RWDD2B: variants seen among roughly 807,000 people sequenced by gnomAD.
RWDD2B encodes the protein RWD domain-containing protein 2B.
In RWDD2B, 36 loss-of-function variants were observed where a neutral mutation model predicts 33.6. The observed-to-expected ratio is 1.07, with a 90% CI of 0.82 to 1.42. The LOEUF is 1.42. Among genes scored for constraint, RWDD2B ranks in the 40% most tolerant of loss-of-function variants. The probability of loss-of-function intolerance (pLI) is 0.00; values close to 1 mark genes in which losing one functional copy is unlikely to be tolerated. For synonymous variants in RWDD2B, 126 were observed against 133.1 expected (o/e 0.95, Z 0.37); for missense variants, 364 against 377.5 (o/e 0.96, Z 0.30).
intron 1 of RWDD2B, among the ~76,000 whole-genome samples, chr21:29,017,749 A>C (rs1317017412): frequency 6.6e-6 from 1 of 152,248 alleles, no homozygotes; most frequent in East Asian, 1.9e-4. Context: ...CCTTTCTCCT[A>C]AGGTGACTGT....
intron 1 of RWDD2B, among the ~76,000 whole-genome samples, chr21:29,011,622 C>T (rs1247515150): frequency 9.4e-4 from 135 of 143,368 alleles, no homozygotes; most frequent in African/African-American, 3.4e-3. Context: ...CCAGCCGCCC[C>T]GTCCGGGAGG....
chr21:29,018,936 G>C (rs2084902421), intron 1 of RWDD2B, among the ~76,000 whole-genome samples: 1 of 152,160 alleles, frequency 6.6e-6, no homozygotes, highest in Admixed American at 6.5e-5. Flanking sequence ...GAACAGAGCA[G>C]GGTACCCCGC....
chr21:29,014,800 G>T (rs1472247038), intron 1 of RWDD2B, among the ~76,000 whole-genome samples: 1 of 152,006 alleles, frequency 6.6e-6, no homozygotes, highest in African/African-American at 2.4e-5. Context: ...CAGCCTGGGC[G>T]GCAGAGCGAG....
rs374994675 is a variant in RWDD2B at position 29,008,640 on chromosome 21, G to C, written c.68-19C>G. On this transcript the variant is annotated intron_variant, in intron 1 of 4. Coordinates refer to ENST00000493196, the MANE Select transcript of RWDD2B (RefSeq NM_016940.3). ...TAAGTTTCTAAGGAGGTAAAGATAA[G>C]AGAGACAATTTACATATGCAATCTT... 23 of 1,543,642 alleles carry C rather than the reference G, an allele frequency of 1.5e-5. No homozygotes were observed. In the African/African-American group the frequency reaches 2.9e-4, roughly 19 times the overall value.
At chr21:29,011,587 TG>T (rs756444269) in intron 1 of RWDD2B, among the ~76,000 whole-genome samples, 639 of 63,000 alleles carry the variant, frequency 0.01, 3 homozygotes, top group Middle Eastern at 0.029. Flanking sequence ...GGGAGGGAGG[TG>T]GGGGGGGTCA....
chr21:29,018,712 C>T (rs1005550498), intron 1 of RWDD2B, among the ~76,000 whole-genome samples: 5 of 152,118 alleles, frequency 3.3e-5, no homozygotes, highest in African/African-American at 9.7e-5. Flanking sequence ...AGACTGTGGC[C>T]GGGCGCGATT....
chr21:29,010,622 AAAAAAAAAAACC>A, intron 1 of RWDD2B, among the ~76,000 whole-genome samples: 1 of 140,188 alleles, frequency 7.1e-6, no homozygotes, highest in South Asian at 2.3e-4. Context: ...AATAAAAATA[AAAAAAAAAAACC>A]AAAAAAAACC....
Position 29,008,504 on chromosome 21 carries a change from A to G in RWDD2B, c.185T>C (p.Leu62Pro), listed in dbSNP as rs1315443832. 6.2e-7 allele frequency: 1 copy of G among 1,614,214 alleles called. No homozygotes were observed. The highest frequency in any genetic ancestry group is 1.1e-5 in the South Asian group (1 of 91,084). The change falls in exon 2 of 5, where the codon CTG becomes CCG. Residue 62 changes from leucine (L) to proline (P), a missense_variant. By Grantham distance (98) the Leu-to-Pro change is moderately conservative. Transcript: ENST00000493196. ...ACAATCTTTCAGTTCTGCTACAGCCAGCTGGTCATTCACTATGAGCTCATT... is the reference window on the plus strand; with the variant it reads ...ACAATCTTTCAGTTCTGCTACAGCCGGCTGGTCATTCACTATGAGCTCATT... ...GENELIVNDQLAVAELKDCIE... is the reference protein window; with the variant it reads ...GENELIVNDQPAVAELKDCIE...
At chr21:29,009,003 T>C (rs1329565893) in intron 1 of RWDD2B, among the ~76,000 whole-genome samples, 1 of 152,226 alleles carries the variant, frequency 6.6e-6, no homozygotes, top group African/African-American at 2.4e-5. Flanking sequence ...TATGACTGGT[T>C]ACACTGGAAA....
chr21:29,012,635 C>G (rs572311134), intron 1 of RWDD2B, among the ~76,000 whole-genome samples: 1 of 151,772 alleles, frequency 6.6e-6, no homozygotes, highest in South Asian at 2.1e-4. Flanking sequence ...ACAAACACTG[C>G]GGAAGGCCGC....
chr21:29,007,912 T>C lies in RWDD2B; in HGVS notation c.574A>G (p.Ile192Val), dbSNP rs2084836724. 6.8e-6 allele frequency: 11 copies of C among 1,614,240 alleles called. No individual in the cohort carries two copies. The East Asian group carries it at 2.2e-4, about 33-fold the overall frequency. ...TTGTTATAGATATGATGGCTGTAGA[T>C]CCAGAGTCTCGTGAAGATGAGGTCA... ...SVDLIFTRLWIYSHHIYNKCK... is the reference protein window; with the variant it reads ...SVDLIFTRLWVYSHHIYNKCK... The change falls in exon 4 of 5, where the codon ATC (isoleucine) becomes GTC (valine). Residue 192 changes from isoleucine (I) to valine (V), a missense_variant. By Grantham distance (29) the Ile-to-Val change is conservative. Coordinates refer to ENST00000493196, the MANE Select transcript of RWDD2B (RefSeq NM_016940.3).
chr21:29,013,605 C>T (rs953304689), intron 1 of RWDD2B, among the ~76,000 whole-genome samples: 61 of 148,650 alleles, frequency 4.1e-4, no homozygotes, highest in African/African-American at 1.5e-3. Context: ...AGGAGAATGG[C>T]GTGAACTCGG....
chr21:29,004,675 C>G lies in RWDD2B; in HGVS notation c.*1742G>C, dbSNP rs979939808. Reference sequence around the variant, plus strand: ...AGAGGAACTGGGATTTCCAGGGCAACTGACGGGGCGATAGGACAGGGCAGC... The same window carrying G: ...AGAGGAACTGGGATTTCCAGGGCAAGTGACGGGGCGATAGGACAGGGCAGC... On this transcript the variant is annotated 3_prime_UTR_variant, in exon 5 of 5. Coordinates refer to ENST00000493196, the MANE Select transcript of RWDD2B (RefSeq NM_016940.3). 4 of 152,252 alleles carry G rather than the reference C, an allele frequency of 2.6e-5. No individual in the cohort carries two copies. The highest frequency in any genetic ancestry group is 5.9e-5 in the Non-Finnish European group (4 of 68,076). The allele number at this position is 152,252 out of a possible 1,614,324, so 9.4% of individuals were successfully genotyped here.
In RWDD2B at chr21:29,016,694, GA is replaced by G. The variant is rs373679438; in HGVS notation, c.67+2516del. ...ACAACTACTTGGGTGGTTATTAGAG[GA>G]AATGGTTTACTTTGTTTTTTTGTTG... On this transcript the variant is annotated intron_variant, in intron 1 of 4. Transcript: ENST00000493196. 1.9e-3 allele frequency among the ~76,000 whole-genome samples: 282 copies of G among 152,278 alleles called. 5 individuals are homozygous for G. The highest frequency in any genetic ancestry group is 6.2e-3 in the African/African-American group (257 of 41,554).
intron 4 of RWDD2B, 86 bp from the exon 5 acceptor site, chr21:29,006,737 G>A (rs2084830940): frequency 1.3e-6 from 1 of 747,862 alleles, no homozygotes; most frequent in Middle Eastern, 2.5e-4. Context: ...ATTTATCAAT[G>A]CCTTTTCCTA....
intron 1 of RWDD2B, among the ~76,000 whole-genome samples, chr21:29,011,393 A>G (rs2084858095): frequency 7.0e-6 from 1 of 141,910 alleles, no homozygotes; most frequent in African/African-American, 2.7e-5. Flanking sequence ...TCTGCCTGGC[A>G]ACCACCCCGT....
At chr21:29,014,425 CCA>C (rs889562135) in intron 1 of RWDD2B, among the ~76,000 whole-genome samples, 12 of 152,256 alleles carry the variant, frequency 7.9e-5, no homozygotes, top group Admixed American at 7.8e-4. Flanking sequence ...CTGAAAGGTC[CCA>C]CCACTCAACT....
At chr21:29,017,169 C>T (rs546392435) in intron 1 of RWDD2B, among the ~76,000 whole-genome samples, 8 of 152,108 alleles carry the variant, frequency 5.3e-5, no homozygotes, top group African/African-American at 1.9e-4. Flanking sequence ...CCGTGTCCGG[C>T]TGCTTATTAC....
At position 29,008,244 on chromosome 21, in the gene RWDD2B, C is replaced by CA; in HGVS notation, c.357dup (p.Val120CysfsTer8). On this transcript the variant is annotated frameshift_variant, in exon 3 of 5. Coordinates refer to ENST00000493196, the MANE Select transcript of RWDD2B (RefSeq NM_016940.3). LOFTEE classifies it high-confidence loss of function. ...GCCAGAGCTTCTGTAACGTACCTGA[C>CA]AGTAATTTCAGGCAGAACTGCCGGG... 2 of 1,614,084 alleles carry CA rather than the reference C, an allele frequency of 1.2e-6. No individual in the cohort carries two copies. Among genetic ancestry groups the CA allele is most frequent in the Non-Finnish European group, 1.7e-6 (2 of 1,179,918 alleles).
Sources: gnomAD v4.1 joint callset for allele counts (sites outside exome capture counted in the v4.1 genomes callset) on GRCh38, gnomAD v4.1.1 for gene constraint, MANE v1.5 for transcripts, NCBI Gene and HGNC (gene_info 2026-07-23, HGNC 2026-07-21) for gene names.